Variants in APBB2 observed in about 807,000 individuals in gnomAD.
APBB2 encodes the protein Fe65-like 1.
APBB2 carries 38 observed loss-of-function variants against 82.5 expected under a neutral mutation model. That is an observed-to-expected ratio of 0.46 (90% CI 0.36 to 0.60). The LOEUF (loss-of-function observed/expected upper bound fraction) is 0.60, where lower values mean the gene tolerates loss of function less well. APBB2 is among the 20% of genes least tolerant of loss of function. The pLI is 0.00. For synonymous variants in APBB2, 341 were observed against 368.2 expected (o/e 0.93, Z 0.85); for missense variants, 772 against 972.3 (o/e 0.79, Z 2.74).
chr4:41,032,157 A>G (rs1015037914), intron 5 of APBB2, among the ~76,000 whole-genome samples: 1 of 152,224 alleles, frequency 6.6e-6, no homozygotes, highest in Non-Finnish European at 1.5e-5. Context: ...ATTATATTTA[A>G]TAATAAGTTT....
chr4:41,191,182 G>C (rs1255466838), intron 1 of APBB2, among the ~76,000 whole-genome samples: 3 of 152,162 alleles, frequency 2.0e-5, no homozygotes, highest in Non-Finnish European at 4.4e-5. Context: ...GGAGTGGGGA[G>C]GATGAGGAGG....
chr4:41,045,948 G>A (rs1205650039), intron 4 of APBB2, among the ~76,000 whole-genome samples: 1 of 151,982 alleles, frequency 6.6e-6, no homozygotes, highest in East Asian at 1.9e-4. Flanking sequence ...TGTTTTATAA[G>A]TTGCTATTTT....
At chr4:40,980,091 C>T (rs1321407156) in intron 6 of APBB2, among the ~76,000 whole-genome samples, 1 of 152,154 alleles carries the variant, frequency 6.6e-6, no homozygotes, top group Non-Finnish European at 1.5e-5. Flanking sequence ...GGCATGATCT[C>T]GGCTCACTGC....
chr4:41,160,864 T>C (rs1303586054), intron 1 of APBB2, among the ~76,000 whole-genome samples: 1 of 152,154 alleles, frequency 6.6e-6, no homozygotes, highest in Non-Finnish European at 1.5e-5. Flanking sequence ...ATTGAACCAT[T>C]ACTATGTGCC....
At chr4:40,829,875 C>T (rs1226862329) in intron 13 of APBB2, among the ~76,000 whole-genome samples, 1 of 152,184 alleles carries the variant, frequency 6.6e-6, no homozygotes, top group East Asian at 1.9e-4. Context: ...TGTGTGTCCT[C>T]AGGAAGTTGG....
At chr4:40,891,911 G>C (rs1772135672) in intron 11 of APBB2, among the ~76,000 whole-genome samples, 1 of 151,900 alleles carries the variant, frequency 6.6e-6, no homozygotes, top group Non-Finnish European at 1.5e-5. Flanking sequence ...AGAGAAGACA[G>C]GTGGAGAATT....
intron 1 of APBB2, among the ~76,000 whole-genome samples, chr4:41,197,328 A>G: frequency 6.6e-6 from 1 of 152,222 alleles, no homozygotes; most frequent in Non-Finnish European, 1.5e-5. Context: ...GAACTGAACT[A>G]AAAATATTTG....
intron 6 of APBB2, among the ~76,000 whole-genome samples, chr4:40,999,996 T>C (rs534990952): frequency 6.7e-6 from 1 of 149,648 alleles, no homozygotes; most frequent in Non-Finnish European, 1.5e-5. Flanking sequence ...CTGGACAACA[T>C]GGTAAAACCC....
chr4:41,150,982 C>G (rs1762130328), intron 1 of APBB2, among the ~76,000 whole-genome samples: 1 of 152,150 alleles, frequency 6.6e-6, no homozygotes. Flanking sequence ...AGGTGATCTG[C>G]CCACCTTGGC....
intron 1 of APBB2, among the ~76,000 whole-genome samples, chr4:41,149,477 G>C (rs924163524): frequency 7.2e-5 from 11 of 151,890 alleles, no homozygotes; most frequent in Admixed American, 6.6e-5. Context: ...GCTGAGGAAA[G>C]GGGGGAGAAA....
chr4:41,136,355 A>G (rs972223487), intron 2 of APBB2, among the ~76,000 whole-genome samples: 1 of 152,248 alleles, frequency 6.6e-6, no homozygotes, highest in African/African-American at 2.4e-5. Flanking sequence ...TGACTGGGTT[A>G]AAAGTTTCAT....
chr4:41,166,495 G>GT (rs1431482906), intron 1 of APBB2, among the ~76,000 whole-genome samples: 26 of 151,800 alleles, frequency 1.7e-4, no homozygotes, highest in African/African-American at 6.0e-4. Flanking sequence ...GAAGGATCAC[G>GT]TGAGTCCAGG....
chr4:41,139,173 G>C (rs114225834), intron 2 of APBB2, among the ~76,000 whole-genome samples: 1 of 151,412 alleles, frequency 6.6e-6, no homozygotes, highest in African/African-American at 2.4e-5. Flanking sequence ...TATTGAACTA[G>C]AAAGTCAACA....
At chr4:40,938,451 G>C (rs1417500668) in intron 7 of APBB2, among the ~76,000 whole-genome samples, 1 of 152,114 alleles carries the variant, frequency 6.6e-6, no homozygotes, top group Admixed American at 6.5e-5. Flanking sequence ...TGACTACTGA[G>C]AGTTTTCTTC....
chr4:40,990,762 T>G lies in APBB2; in HGVS notation c.835+22821A>C, dbSNP rs1384578606. 3.3e-5 allele frequency among the ~76,000 whole-genome samples: 5 copies of G among 152,254 alleles called. 1 individual carries two copies. The South Asian group carries it at 1.0e-3, about 32-fold the overall frequency. ...GTGATTCATTTCATACCAAACTGCA[T>G]CCATCATTTTAAAAACTGTGTCATC... On this transcript the variant is annotated intron_variant, in intron 6 of 17. Transcript: ENST00000508593.
intron 1 of APBB2, chr4:41,194,280 C>A: frequency 6.6e-6 from 1 of 152,476 alleles, no homozygotes; most frequent in Non-Finnish European, 1.5e-5. Context: ...CATGATTGTG[C>A]CACTGCACTC....
chr4:41,133,839 T>TA (rs1252303367), intron 2 of APBB2, among the ~76,000 whole-genome samples: 2 of 152,154 alleles, frequency 1.3e-5, no homozygotes, highest in African/African-American at 4.8e-5. Flanking sequence ...CTTATCTTCT[T>TA]CCTTCCTTCT....
rs1730326420 is a variant in APBB2 at position 41,062,766 on chromosome 4, T to A, written c.-51+2810A>T. ...CTCAGCAGAGGCCTCGGGGCAGCAA[T>A]CTCTACGCTGAGCACAGGTAGCACG... On this transcript the variant is annotated intron_variant, in intron 4 of 17. Transcript: ENST00000508593. 1.3e-5 allele frequency among the ~76,000 whole-genome samples: 2 copies of A among 152,074 alleles called. 1 individual carries two copies. Among genetic ancestry groups the A allele is most frequent in the Admixed American group, 1.3e-4 (2 of 15,264 alleles).
intron 10 of APBB2, among the ~76,000 whole-genome samples, chr4:40,919,126 A>G (rs1281604961): frequency 6.6e-6 from 1 of 152,210 alleles, no homozygotes; most frequent in African/African-American, 2.4e-5. Flanking sequence ...CTGAACCACT[A>G]AATAAGTCTG....
Sources: allele counts gnomAD v4.1 joint callset (sites outside exome capture counted in the v4.1 genomes callset), GRCh38; gene constraint gnomAD v4.1.1; transcripts MANE v1.5; gene names NCBI Gene and HGNC (gene_info 2026-07-23, HGNC 2026-07-21).